The following COL4A3 variants were observed in gnomAD, a reference collection of about 807,000 sequenced individuals.
The protein encoded by COL4A3 is collagen alpha-3(IV) chain.
A neutral mutation model predicts 217.4 loss-of-function variants in COL4A3; 135 were observed. The observed-to-expected ratio is 0.62, with a 90% CI of 0.54 to 0.72. The LOEUF is 0.72. Ranked by LOEUF, COL4A3 falls within the 30% of genes least tolerant of loss-of-function variation. COL4A3 has a pLI of 0.00. For synonymous variants in COL4A3, 690 were observed against 736.3 expected (o/e 0.94, Z 1.02); for missense variants, 1,868 against 2,119.9 (o/e 0.88, Z 2.33).
At chr2:227,301,707 T>C (rs1414878569) in intron 43 of COL4A3, 1 of 152,270 alleles carries the variant, frequency 6.6e-6, no homozygotes, top group Non-Finnish European at 1.5e-5. Flanking sequence ...TATTTCTTGA[T>C]GGATGTCTCA....
At chr2:227,192,258 T>C (rs574389823) in intron 1 of COL4A3, among the ~76,000 whole-genome samples, 2 of 152,368 alleles carry the variant, frequency 1.3e-5, no homozygotes, top group South Asian at 2.1e-4. Flanking sequence ...AGTTATAGAA[T>C]TGTGAAGAAG....
chr2:227,212,674 G>T (rs992899924), intron 1 of COL4A3, among the ~76,000 whole-genome samples: 1 of 152,188 alleles, frequency 6.6e-6, no homozygotes, highest in Non-Finnish European at 1.5e-5. Context: ...TACTATAAGT[G>T]TTGGAATCTA....
intron 22 of COL4A3, 99 bp from the exon 23 acceptor site, chr2:227,266,894 T>C (rs1306181383): frequency 3.2e-5 from 26 of 806,240 alleles, no homozygotes; most frequent in Non-Finnish European, 5.6e-5. Flanking sequence ...TACATAAAAA[T>C]GTTTAAATGT....
intron 38 of COL4A3, 179 bp from the exon 39 acceptor site, chr2:227,294,311 C>T (rs984436425): frequency 2.6e-5 from 17 of 665,870 alleles, no homozygotes; most frequent in Admixed American, 1.5e-4. Flanking sequence ...CACATCTCTG[C>T]ACTGGTTCTC....
At chr2:227,249,226 A>ATTT (rs1225037194) in intron 9 of COL4A3, among the ~76,000 whole-genome samples, 5 of 24,188 alleles carry the variant, frequency 2.1e-4, no homozygotes, top group Non-Finnish European at 3.7e-4. Context: ...ATATATATAT[A>ATTT]TATATTTTTT....
chr2:227,171,070 T>C (rs1023121255), intron 1 of COL4A3, among the ~76,000 whole-genome samples: 9 of 152,230 alleles, frequency 5.9e-5, no homozygotes, highest in Admixed American at 5.2e-4. Flanking sequence ...TTAACAAATG[T>C]AGCATTTAAT....
chr2:227,284,185 C>A (rs768158148), intron 33 of COL4A3, 26 bp from the exon 34 acceptor site: 1 of 1,613,850 alleles, frequency 6.2e-7, no homozygotes, highest in South Asian at 1.1e-5. Context: ...AATTAAGGAC[C>A]TGATGTTGTT....
rs537413267 is a variant in COL4A3, at chr2:227,289,486, C to T, written c.2980+238C>T. 8.5e-5 allele frequency among the ~76,000 whole-genome samples: 13 copies of T among 152,274 alleles called. No homozygotes were observed. In the South Asian group the frequency reaches 2.7e-3, roughly 32 times the overall value. On this transcript the variant is annotated intron_variant, in intron 35 of 51. Coordinates refer to ENST00000396578, the MANE Select transcript of COL4A3 (RefSeq NM_000091.5). Reference sequence around the variant, plus strand: ...TCCTCAAAATTTCATTCTGAAATTGCTGATATGTATTATAAATTATAATGT... The same window carrying T: ...TCCTCAAAATTTCATTCTGAAATTGTTGATATGTATTATAAATTATAATGT...
At chr2:227,182,915 C>T (rs888145930) in intron 1 of COL4A3, among the ~76,000 whole-genome samples, 2 of 152,106 alleles carry the variant, frequency 1.3e-5, no homozygotes, top group African/African-American at 4.8e-5. Context: ...AGACTAATAC[C>T]AACTACTCTA....
chr2:227,183,218 A>C (rs904943325), intron 1 of COL4A3, among the ~76,000 whole-genome samples: 5 of 152,234 alleles, frequency 3.3e-5, no homozygotes, highest in Non-Finnish European at 7.3e-5. Flanking sequence ...AAGCAAATTG[A>C]AAATGATTAC....
chr2:227,184,453 A>C (rs1289723926), intron 1 of COL4A3, among the ~76,000 whole-genome samples: 1 of 152,226 alleles, frequency 6.6e-6, no homozygotes, highest in African/African-American at 2.4e-5. Context: ...GGTGACCTTG[A>C]GTGCCAGCTT....
chr2:227,265,560 T>C (rs1254175251), intron 21 of COL4A3: 1 of 152,254 alleles, frequency 6.6e-6, no homozygotes, highest in Non-Finnish European at 1.5e-5. Context: ...AAGAGCTTTC[T>C]TAGAGACCTG....
Position 227,244,379 on chromosome 2 carries a change from C to T in COL4A3, c.279+15C>T. 6.2e-7 allele frequency: 1 copy of T among 1,612,356 alleles called. No individual in the cohort carries two copies. The highest frequency in any genetic ancestry group is 8.5e-7 in the Non-Finnish European group (1 of 1,178,524). On this transcript the variant is annotated intron_variant, in intron 4 of 51. Coordinates refer to ENST00000396578, the MANE Select transcript of COL4A3 (RefSeq NM_000091.5). ...AAGGTGTAAGGGTTAGTAGTCCAAC[C>T]AGTCCACCCTGATCGTTAAAAGATC...
At position 227,277,527 on chromosome 2, in the gene COL4A3, G is replaced by A. The variant is rs1331805495; in HGVS notation, c.2099G>A (p.Gly700Glu). 10 of 1,611,560 alleles carry A rather than the reference G, an allele frequency of 6.2e-6. No homozygotes were observed. Among genetic ancestry groups the A allele is most frequent in the Non-Finnish European group, 8.5e-6 (10 of 1,178,946 alleles). Residue 700 changes from glycine (G) to glutamate (E), a missense_variant, in exon 28 of 52, where the codon GGA becomes GAA. By Grantham distance (98) the Gly-to-Glu change is moderately conservative. Transcript: ENST00000396578. The part of the protein sequence containing the change: ...PDGEPGIPGI[G>E]FPGPPGPKGD... ...GGTGAACCAGGAATTCCAGGAATTG[G>A]ATTTCCTGGGCCTCCTGGACCTAAG... is the stretch of plus-strand genomic sequence containing the variant.
At chr2:227,240,808 A>C (rs1245874720) in intron 3 of COL4A3, among the ~76,000 whole-genome samples, 1 of 152,220 alleles carries the variant, frequency 6.6e-6, no homozygotes, top group Non-Finnish European at 1.5e-5. Flanking sequence ...CCTGTAGTTC[A>C]TCTACTATTC....
intron 1 of COL4A3, among the ~76,000 whole-genome samples, chr2:227,177,817 G>T (rs1365873771): frequency 6.6e-6 from 1 of 152,158 alleles, no homozygotes; most frequent in Non-Finnish European, 1.5e-5. Flanking sequence ...ACAAGTCACT[G>T]AGTGCCCTCT....
At chr2:227,171,491 A>G (rs577414620) in intron 1 of COL4A3, among the ~76,000 whole-genome samples, 9 of 152,164 alleles carry the variant, frequency 5.9e-5, no homozygotes, top group Middle Eastern at 3.4e-3. Context: ...ACTGACGTGT[A>G]TGATGGAACA....
chr2:227,306,698 A>G (rs1195907029), intron 47 of COL4A3, among the ~76,000 whole-genome samples: 1 of 152,184 alleles, frequency 6.6e-6, no homozygotes, highest in East Asian at 1.9e-4. Flanking sequence ...TTCTGAGGAA[A>G]GTCCTGACTT....
intron 21 of COL4A3, among the ~76,000 whole-genome samples, chr2:227,266,216 A>G (rs980323685): frequency 6.6e-6 from 1 of 152,220 alleles, no homozygotes; most frequent in Non-Finnish European, 1.5e-5. Context: ...TCAAAGATCA[A>G]CTACCTTAAA....
Sources: gnomAD v4.1 joint callset for allele counts (sites outside exome capture counted in the v4.1 genomes callset) on GRCh38, gnomAD v4.1.1 for gene constraint, MANE v1.5 for transcripts, NCBI Gene and HGNC (gene_info 2026-07-23, HGNC 2026-07-21) for gene names.